PTPRD: variants seen among roughly 807,000 people sequenced by gnomAD.
PTPRD encodes the protein protein tyrosine phosphatase receptor type D, also known as receptor-type tyrosine-protein phosphatase delta.
A neutral mutation model predicts 214.5 loss-of-function variants in PTPRD; 34 were observed. The ratio of observed to expected loss-of-function variants is 0.16; its 90% CI spans 0.12 to 0.21. The LOEUF (loss-of-function observed/expected upper bound fraction) is 0.21. PTPRD is among the 10% of genes least tolerant of loss of function. PTPRD has a pLI of 1.00. For synonymous variants in PTPRD, 1,128 were observed against 845.7 expected (o/e 1.33, Z -5.79); for missense variants, 2,545 against 2,398.7 (o/e 1.06, Z -1.27).
intron 3 of PTPRD, among the ~76,000 whole-genome samples, chr9:10,127,422 T>C (rs2098828142): frequency 6.6e-6 from 1 of 152,184 alleles, no homozygotes. Context: ...TAGTCACTTA[T>C]ATTCAACATC....
At chr9:8,833,713 T>TACACAC (rs1304244416) in intron 11 of PTPRD, among the ~76,000 whole-genome samples, 10 of 123,626 alleles carry the variant, frequency 8.1e-5, no homozygotes, top group South Asian at 7.7e-4. Context: ...TATATATATA[T>TACACAC]ATACACACAC....
intron 5 of PTPRD, among the ~76,000 whole-genome samples, chr9:9,931,878 C>T (rs1417132057): frequency 6.6e-6 from 1 of 150,890 alleles, no homozygotes; most frequent in Non-Finnish European, 1.5e-5. Flanking sequence ...AGCTGGAGAT[C>T]TGAGAACGGG....
chr9:9,843,334 AG>A (rs927976161), intron 5 of PTPRD, among the ~76,000 whole-genome samples: 10 of 152,082 alleles, frequency 6.6e-5, no homozygotes, highest in Non-Finnish European at 1.3e-4. Flanking sequence ...TAACAAAAAA[AG>A]GTGCAAATGT....
intron 9 of PTPRD, among the ~76,000 whole-genome samples, chr9:9,309,604 AAG>A (rs1266456365): frequency 6.6e-6 from 1 of 152,168 alleles, no homozygotes; most frequent in African/African-American, 2.4e-5. Context: ...TAGCACATCA[AAG>A]AGAGACTCTA....
At chr9:10,173,177 G>C (rs1021561486) in intron 3 of PTPRD, among the ~76,000 whole-genome samples, 1 of 152,126 alleles carries the variant, frequency 6.6e-6, no homozygotes, top group Non-Finnish European at 1.5e-5. Context: ...CACTTGTGAA[G>C]GGGGGATTTA....
intron 9 of PTPRD, among the ~76,000 whole-genome samples, chr9:9,187,351 T>C (rs2099932248): frequency 6.6e-6 from 1 of 152,056 alleles, no homozygotes; most frequent in African/African-American, 2.4e-5. Flanking sequence ...CAGATTCAAG[T>C]ATAAGGATAG....
rs190756373 is a variant in PTPRD, at chr9:9,858,348, T to A, written c.-368+80159A>T. On this transcript the variant is annotated intron_variant, in intron 5 of 45. Transcript: ENST00000381196. ...ATCTGATTTTAGAGACACAAACACC[T>A]TTCCAGAAAATAGTGCCTGTGACTT... Among the ~76,000 whole-genome samples, 64 of 152,290 alleles carry A rather than the reference T, an allele frequency of 4.2e-4. 1 individual carries two copies. The East Asian group carries it at 0.012, about 29-fold the overall frequency.
At chr9:9,301,144 A>C (rs1253883977) in intron 9 of PTPRD, among the ~76,000 whole-genome samples, 2 of 151,866 alleles carry the variant, frequency 1.3e-5, no homozygotes, top group African/African-American at 4.8e-5. Context: ...AACTAGGTAC[A>C]ATCTTTAATC....
chr9:9,946,034 G>A (rs2092493821), intron 4 of PTPRD, among the ~76,000 whole-genome samples: 1 of 152,120 alleles, frequency 6.6e-6, no homozygotes, highest in Non-Finnish European at 1.5e-5. Context: ...AGAACTTGAG[G>A]AAGCCTTTTG....
intron 9 of PTPRD, among the ~76,000 whole-genome samples, chr9:9,322,014 C>T (rs1428566084): frequency 6.6e-6 from 1 of 152,078 alleles, no homozygotes; most frequent in East Asian, 1.9e-4. Context: ...AAAGTATTTG[C>T]CATAAATAAT....
chr9:8,979,352 C>T (rs1011589765), intron 11 of PTPRD, among the ~76,000 whole-genome samples: 7 of 151,980 alleles, frequency 4.6e-5, no homozygotes, highest in Admixed American at 1.3e-4. Context: ...TTGGATATCA[C>T]ACCAAAGGCT....
chr9:9,259,489 A>G (rs2099979156), intron 9 of PTPRD, among the ~76,000 whole-genome samples: 2 of 151,888 alleles, frequency 1.3e-5, no homozygotes, highest in South Asian at 4.1e-4. Context: ...AAAATTGGAA[A>G]TTCAGGTGAA....
chr9:9,610,104 T>C (rs1422323234), intron 7 of PTPRD, among the ~76,000 whole-genome samples: 2 of 152,088 alleles, frequency 1.3e-5, no homozygotes, highest in African/African-American at 4.8e-5. Flanking sequence ...AATAAAGATG[T>C]GCCAAGCTCT....
chr9:8,926,239 C>G (rs1370013898), intron 11 of PTPRD, among the ~76,000 whole-genome samples: 1 of 152,104 alleles, frequency 6.6e-6, no homozygotes, highest in African/African-American at 2.4e-5. Context: ...TCCTTCAAAA[C>G]TTATTTCAGA....
At chr9:8,742,123 T>C (rs1401156062) in intron 11 of PTPRD, among the ~76,000 whole-genome samples, 1 of 152,174 alleles carries the variant, frequency 6.6e-6, no homozygotes, top group Non-Finnish European at 1.5e-5. Context: ...ACATTAGTTA[T>C]GACCAATAAA....
chr9:10,176,002 T>G (rs1014966833), intron 3 of PTPRD, among the ~76,000 whole-genome samples: 1 of 152,032 alleles, frequency 6.6e-6, no homozygotes, highest in Non-Finnish European at 1.5e-5. Context: ...GCAAATGGCT[T>G]GTTATTGTTC....
chr9:9,860,892 C>A (rs527444502), intron 5 of PTPRD, among the ~76,000 whole-genome samples: 1 of 152,300 alleles, frequency 6.6e-6, no homozygotes, highest in East Asian at 1.9e-4. Flanking sequence ...AATTGCTATA[C>A]TCAGCATGTG....
chr9:9,075,939 C>T (rs1007020666), intron 10 of PTPRD, among the ~76,000 whole-genome samples: 27 of 152,144 alleles, frequency 1.8e-4, no homozygotes, highest in Admixed American at 1.8e-3. Context: ...AATGGGATGG[C>T]TGGGTCAAAT....
chr9:9,029,320 A>C (rs2099597198), intron 10 of PTPRD, among the ~76,000 whole-genome samples: 1 of 151,890 alleles, frequency 6.6e-6, no homozygotes, highest in Non-Finnish European at 1.5e-5. Flanking sequence ...TATTTTTAAG[A>C]AAAGGAATCA....
Sources: gnomAD v4.1 joint callset for allele counts (sites outside exome capture counted in the v4.1 genomes callset) on GRCh38, gnomAD v4.1.1 for gene constraint, MANE v1.5 for transcripts, NCBI Gene and HGNC (gene_info 2026-07-23, HGNC 2026-07-21) for gene names.